The following PCDH9 variants were observed in gnomAD, a reference collection of about 807,000 sequenced individuals.
PCDH9 encodes protocadherin-9.
PCDH9 carries 24 observed loss-of-function variants against 70.6 expected under a neutral mutation model. That is an observed-to-expected ratio of 0.34 (90% CI 0.25 to 0.48). The LOEUF (loss-of-function observed/expected upper bound fraction) is 0.48, where lower values mean the gene tolerates loss of function less well. Among genes scored for constraint, PCDH9 ranks in the 20% least tolerant of loss-of-function variants. The pLI, the probability that PCDH9 is intolerant of heterozygous loss-of-function variation, is 0.99. For missense variants in PCDH9, 1,281 were observed against 1,503.6 expected (o/e 0.85, Z 2.45); for synonymous variants, 562 against 558.5 (o/e 1.01, Z -0.09).
At chr13:66,484,539 T>C (rs906176744) in intron 4 of PCDH9, among the ~76,000 whole-genome samples, 1 of 152,262 alleles carries the variant, frequency 6.6e-6, no homozygotes, top group Non-Finnish European at 1.5e-5. Flanking sequence ...GAATAGCATA[T>C]TTCTGGCAGT....
chr13:66,485,798 A>G (rs990599394), intron 4 of PCDH9, among the ~76,000 whole-genome samples: 3 of 150,818 alleles, frequency 2.0e-5, no homozygotes, highest in Non-Finnish European at 4.4e-5. Flanking sequence ...CTGGAGTGCA[A>G]TGGAGTGATC....
chr13:66,996,330 T>C (rs1472088409), intron 2 of PCDH9: 4 of 152,078 alleles, frequency 2.6e-5, no homozygotes, highest in Admixed American at 2.6e-4. Context: ...ATATGTTATA[T>C]GACATGTTAG....
At chr13:66,594,694 C>G (rs527849753) in intron 4 of PCDH9, among the ~76,000 whole-genome samples, 5 of 151,328 alleles carry the variant, frequency 3.3e-5, no homozygotes, top group African/African-American at 1.2e-4. Flanking sequence ...GTGTGTTGTT[C>G]CCCTCCCTGT....
chr13:67,013,748 GA>G (rs2084500821), intron 2 of PCDH9, among the ~76,000 whole-genome samples: 3 of 151,594 alleles, frequency 2.0e-5, no homozygotes, highest in Non-Finnish European at 4.4e-5. Flanking sequence ...GATTAAATAG[GA>G]AAAATACAAT....
chr13:67,141,915 G>C (rs2087401773), intron 2 of PCDH9, among the ~76,000 whole-genome samples: 1 of 152,034 alleles, frequency 6.6e-6, no homozygotes, highest in African/African-American at 2.4e-5. Flanking sequence ...TCTTTACAAA[G>C]TGTCTGTATT....
intron 2 of PCDH9, among the ~76,000 whole-genome samples, chr13:67,062,994 T>C (rs260134): frequency 0.99 from 151,072 of 152,254 alleles, 74,963 homozygotes; most frequent in East Asian, 1. Flanking sequence ...GTACTCTATA[T>C]TTACTTAAAG....
At chr13:66,730,291 T>C (rs1475690400) in intron 3 of PCDH9, among the ~76,000 whole-genome samples, 1 of 152,204 alleles carries the variant, frequency 6.6e-6, no homozygotes, top group Non-Finnish European at 1.5e-5. Flanking sequence ...GCTATACTTT[T>C]TCATAGCATG....
At chr13:66,700,377 A>C (rs2078622109) in intron 3 of PCDH9, among the ~76,000 whole-genome samples, 1 of 152,200 alleles carries the variant, frequency 6.6e-6, no homozygotes, top group Non-Finnish European at 1.5e-5. Flanking sequence ...TTAATTTTAC[A>C]AGGCTTCTTA....
At chr13:66,535,857 A>G (rs916700829) in intron 4 of PCDH9, among the ~76,000 whole-genome samples, 2 of 152,002 alleles carry the variant, frequency 1.3e-5, no homozygotes, top group African/African-American at 2.4e-5. Context: ...CCCCACTATA[A>G]CTACAAAATT....
rs548879866 is a variant in PCDH9, at chr13:66,835,799, G to C, written c.3138+67705C>G. On this transcript the variant is annotated intron_variant, in intron 3 of 4. Transcript: ENST00000377865. ...TGAAAGAGAGGACTGCTTTTAATTTGACTATCCTCTCCCCATTCCGTTTAA... is the reference window on the plus strand; with the variant it reads ...TGAAAGAGAGGACTGCTTTTAATTTCACTATCCTCTCCCCATTCCGTTTAA... 2.0e-5 allele frequency among the ~76,000 whole-genome samples: 3 copies of C among 152,090 alleles called. No individual in the cohort carries two copies. In the East Asian group the frequency reaches 5.8e-4, roughly 29 times the overall value.
At chr13:66,403,717 A>G (rs1957230026) in intron 4 of PCDH9, among the ~76,000 whole-genome samples, 2 of 152,182 alleles carry the variant, frequency 1.3e-5, no homozygotes, top group Non-Finnish European at 2.9e-5. Flanking sequence ...AAATCAGAGC[A>G]ATAAAGCCAT....
At chr13:66,413,103 A>G (rs1390220953) in intron 4 of PCDH9, among the ~76,000 whole-genome samples, 1 of 152,184 alleles carries the variant, frequency 6.6e-6, no homozygotes, top group African/African-American at 2.4e-5. Context: ...AAGGCAAGGA[A>G]TCTTACCAGG....
At chr13:66,465,104 C>A (rs1452098644) in intron 4 of PCDH9, among the ~76,000 whole-genome samples, 1 of 151,810 alleles carries the variant, frequency 6.6e-6, no homozygotes, top group African/African-American at 2.4e-5. Flanking sequence ...TCTGTACCAT[C>A]TTGGGGGAAA....
chr13:66,379,727 T>C (rs1310550480), intron 4 of PCDH9, among the ~76,000 whole-genome samples: 5 of 152,164 alleles, frequency 3.3e-5, no homozygotes, highest in Non-Finnish European at 5.9e-5. Flanking sequence ...ATCTTAGTAG[T>C]TTGAGTGCCG....
intron 3 of PCDH9, among the ~76,000 whole-genome samples, chr13:66,868,618 T>G (rs2139500750): frequency 6.6e-6 from 1 of 152,208 alleles, no homozygotes; most frequent in Admixed American, 6.6e-5. Flanking sequence ...ATCACAGACA[T>G]GAGCGCATAG....
chr13:66,774,781 A>C (rs1164573294), intron 3 of PCDH9, among the ~76,000 whole-genome samples: 2 of 152,170 alleles, frequency 1.3e-5, no homozygotes, highest in East Asian at 3.9e-4. Context: ...TATTGTGCAT[A>C]ATTACAATTA....
chr13:66,543,901 G>C (rs1373292525), intron 4 of PCDH9, among the ~76,000 whole-genome samples: 1 of 152,120 alleles, frequency 6.6e-6, no homozygotes, highest in Non-Finnish European at 1.5e-5. Flanking sequence ...ACTTAACGGG[G>C]ACACAGCCAA....
At chr13:66,967,233 G>A (rs1311621289) in intron 2 of PCDH9, among the ~76,000 whole-genome samples, 1 of 151,994 alleles carries the variant, frequency 6.6e-6, no homozygotes, top group Non-Finnish European at 1.5e-5. Context: ...AGTTCATTTA[G>A]TCTTATATAT....
chr13:67,066,226 T>C (rs1402663377), intron 2 of PCDH9, among the ~76,000 whole-genome samples: 2 of 151,970 alleles, frequency 1.3e-5, no homozygotes, highest in Non-Finnish European at 2.9e-5. Context: ...CAGCAGGCCA[T>C]AATTTGGGTC....
Sources: gnomAD v4.1 joint callset for allele counts (sites outside exome capture counted in the v4.1 genomes callset) on GRCh38, gnomAD v4.1.1 for gene constraint, MANE v1.5 for transcripts, NCBI Gene and HGNC (gene_info 2026-07-23, HGNC 2026-07-21) for gene names.